The following KCNN2 variants were observed in gnomAD, a reference collection of about 807,000 sequenced individuals.
KCNN2 encodes potassium calcium-activated channel subfamily N member 2.
Under a neutral mutation model 55.5 loss-of-function variants are expected in KCNN2, and 24 were observed. The observed-to-expected ratio is 0.43, with a 90% CI of 0.31 to 0.61. The LOEUF (loss-of-function observed/expected upper bound fraction) is 0.61. KCNN2 is among the 20% of genes least tolerant of loss of function. The pLI, the probability that KCNN2 is intolerant of heterozygous loss-of-function variation, is 0.08. For synonymous variants in KCNN2, 431 were observed against 336.1 expected, an observed-to-expected ratio of 1.28 and a Z score of -3.09; for missense variants, 754 against 853.6, an observed-to-expected ratio of 0.88 and a Z score of 1.45.
intron 1 of KCNN2, among the ~76,000 whole-genome samples, chr5:114,135,744 A>C (rs984359030): frequency 6.6e-6 from 1 of 152,342 alleles, no homozygotes; most frequent in African/African-American, 2.4e-5. Context: ...TCTACTGGAA[A>C]CAGAGACTGT....
intron 2 of KCNN2, among the ~76,000 whole-genome samples, chr5:114,299,039 A>AG (rs1373782751): frequency 3.9e-5 from 6 of 152,198 alleles, no homozygotes; most frequent in Non-Finnish European, 1.5e-5. Flanking sequence ...TTCAGGGTGA[A>AG]GGTTAATTCA....
chr5:114,423,419 C>T (rs990920111), intron 3 of KCNN2, among the ~76,000 whole-genome samples: 1 of 152,122 alleles, frequency 6.6e-6, no homozygotes, highest in Non-Finnish European at 1.5e-5. Context: ...AAGCTAACTT[C>T]TCCAGGGACT....
At chr5:114,163,120 G>C (rs111528958) in intron 1 of KCNN2, among the ~76,000 whole-genome samples, 4,075 of 152,258 alleles carry the variant, frequency 0.027, 178 homozygotes, top group African/African-American at 0.093. Context: ...GACTGGAGCT[G>C]TTCCTATTTG....
intron 3 of KCNN2, among the ~76,000 whole-genome samples, chr5:114,442,289 G>T (rs114162432): frequency 0.043 from 6,526 of 151,008 alleles, 377 homozygotes; most frequent in African/African-American, 0.13. Flanking sequence ...TATATATAGA[G>T]AGAGAGAGTC....
intron 2 of KCNN2, among the ~76,000 whole-genome samples, chr5:114,232,320 T>C (rs1425932590): frequency 6.6e-6 from 1 of 151,288 alleles, no homozygotes; most frequent in Admixed American, 6.6e-5. Context: ...ATTAGTGTTA[T>C]AAAATGTATA....
At chr5:114,113,030 A>G (rs550028925) in intron 1 of KCNN2, among the ~76,000 whole-genome samples, 1 of 152,208 alleles carries the variant, frequency 6.6e-6, no homozygotes, top group Non-Finnish European at 1.5e-5. Flanking sequence ...CACTTATTAA[A>G]GATGGGTAGT....
chr5:114,422,277 G>A (rs1759493837), intron 3 of KCNN2, among the ~76,000 whole-genome samples: 1 of 152,138 alleles, frequency 6.6e-6, no homozygotes, highest in East Asian at 1.9e-4. Flanking sequence ...TAAAACTGGG[G>A]TCTTTCATAG....
At chr5:114,240,855 A>G (rs1754603169) in intron 2 of KCNN2, among the ~76,000 whole-genome samples, 1 of 152,188 alleles carries the variant, frequency 6.6e-6, no homozygotes, top group Non-Finnish European at 1.5e-5. Flanking sequence ...AGATCTTTGA[A>G]AAATTAGTAT....
At chr5:114,125,925 G>A (rs1751922136) in intron 1 of KCNN2, among the ~76,000 whole-genome samples, 1 of 152,076 alleles carries the variant, frequency 6.6e-6, no homozygotes, top group Non-Finnish European at 1.5e-5. Context: ...AGTCACAAAG[G>A]TACTGGAGGT....
chr5:114,482,944 G>T (rs1351474329), intron 5 of KCNN2, among the ~76,000 whole-genome samples: 4 of 151,944 alleles, frequency 2.6e-5, no homozygotes, highest in Admixed American at 1.3e-4. Context: ...TTTAATAGCT[G>T]GGTGATGGAA....
chr5:114,236,138 A>G lies in KCNN2; in HGVS notation c.-185+14573A>G, dbSNP rs968985369. ...ACTTTTCTCCTCTTTAGGTTTTGGTAGTCCATTGTTATTCTTAAATTAGGC... is the reference window on the plus strand; with the variant it reads ...ACTTTTCTCCTCTTTAGGTTTTGGTGGTCCATTGTTATTCTTAAATTAGGC... On this transcript the variant is annotated intron_variant, in intron 2 of 10. Coordinates refer to the KCNN2 transcript ENST00000512097. 2.6e-5 allele frequency among the ~76,000 whole-genome samples: 4 copies of G among 152,136 alleles called. No individual in the cohort carries two copies. The South Asian group carries it at 6.2e-4, about 24-fold the overall frequency.
chr5:114,194,391 C>G (rs989630492), intron 1 of KCNN2, among the ~76,000 whole-genome samples: 1 of 151,972 alleles, frequency 6.6e-6, no homozygotes, highest in Non-Finnish European at 1.5e-5. Context: ...TTATAGCCAT[C>G]CTAGTGGAGT....
At chr5:114,259,953 C>A (rs184291774) in intron 2 of KCNN2, among the ~76,000 whole-genome samples, 1 of 152,186 alleles carries the variant, frequency 6.6e-6, no homozygotes. Context: ...CATCTTGAAT[C>A]CCATGAAACT....
chr5:114,405,901 G>C (rs1024299983), intron 3 of KCNN2, among the ~76,000 whole-genome samples: 4 of 151,644 alleles, frequency 2.6e-5, no homozygotes, highest in Non-Finnish European at 4.4e-5. Context: ...TAGTAGAGAC[G>C]GGGTTTCACC....
At chr5:114,446,966 A>G (rs1215424926) in intron 3 of KCNN2, among the ~76,000 whole-genome samples, 1 of 152,208 alleles carries the variant, frequency 6.6e-6, no homozygotes, top group African/African-American at 2.4e-5. Context: ...CTAGTTCCTC[A>G]TTTGACACTA....
intron 2 of KCNN2, among the ~76,000 whole-genome samples, chr5:114,321,924 A>G (rs778839283): frequency 6.6e-6 from 1 of 152,154 alleles, no homozygotes; most frequent in African/African-American, 2.4e-5. Context: ...TGCTGGGATT[A>G]TAAGTATGAG....
At chr5:114,380,276 C>T (rs951898614) in intron 2 of KCNN2, among the ~76,000 whole-genome samples, 1 of 152,176 alleles carries the variant, frequency 6.6e-6, no homozygotes, top group Non-Finnish European at 1.5e-5. Context: ...CTGCCTCCCT[C>T]CCCCTGCTTC....
chr5:114,165,318 C>T (rs968000452), intron 1 of KCNN2, among the ~76,000 whole-genome samples: 13 of 152,234 alleles, frequency 8.5e-5, no homozygotes, highest in East Asian at 7.7e-4. Flanking sequence ...AACACGAAGA[C>T]GAGGATGAAG....
intron 1 of KCNN2, among the ~76,000 whole-genome samples, chr5:114,163,938 G>A (rs1313255266): frequency 1.3e-5 from 2 of 151,722 alleles, no homozygotes; most frequent in Non-Finnish European, 2.9e-5. Context: ...TTTTTTTTAA[G>A]TATGCTTTAT....
Sources: allele counts gnomAD v4.1 joint callset (sites outside exome capture counted in the v4.1 genomes callset), GRCh38; gene constraint gnomAD v4.1.1; transcripts MANE v1.5; gene names NCBI Gene and HGNC (gene_info 2026-07-23, HGNC 2026-07-21).